NKAIN1: variants seen among roughly 807,000 people sequenced by gnomAD.
NKAIN1 encodes the protein sodium/potassium transporting ATPase interacting 1.
In NKAIN1, 13 loss-of-function variants were observed where a neutral mutation model predicts 31.6. The observed-to-expected ratio is 0.41, with a 90% CI of 0.27 to 0.65. NKAIN1 has a LOEUF of 0.65. NKAIN1 is among the 30% of genes least tolerant of loss of function. NKAIN1 has a pLI of 0.30. For synonymous variants in NKAIN1, 104 were observed against 109.0 expected (o/e 0.95, Z 0.28); for missense variants, 193 against 262.2 (o/e 0.74, Z 1.82).
At chr1:31,238,748 A>C (rs375477477) in intron 1 of NKAIN1, among the ~76,000 whole-genome samples, 2 of 152,114 alleles carry the variant, frequency 1.3e-5, no homozygotes, top group African/African-American at 4.8e-5. Context: ...TGACTGATGG[A>C]ACCCCCATGG....
chr1:31,212,809 G>C (rs1186212745), intron 1 of NKAIN1, among the ~76,000 whole-genome samples: 1 of 151,984 alleles, frequency 6.6e-6, no homozygotes, highest in African/African-American at 2.4e-5. Context: ...GACCATCCTG[G>C]CTACGGTGAA....
intron 2 of NKAIN1, among the ~76,000 whole-genome samples, chr1:31,186,396 T>G (rs796811251): frequency 2.2e-3 from 58 of 25,856 alleles, no homozygotes; most frequent in Non-Finnish European, 3.8e-3. Context: ...TCTTTTGTGT[T>G]TTTTTTTTTT....
At chr1:31,219,416 C>T (rs1645544483) in intron 1 of NKAIN1, among the ~76,000 whole-genome samples, 1 of 152,218 alleles carries the variant, frequency 6.6e-6, no homozygotes, top group Non-Finnish European at 1.5e-5. Context: ...TCTGGAGAAG[C>T]CCCGGCACGC....
Position 31,234,392 on chromosome 1 carries a change from A to G in NKAIN1, c.54+5102T>C, listed in dbSNP as rs370924929. Reference sequence around the variant, plus strand: ...ACTATTGCTAATAACGACATCAATCAGGTTGACCATGTTTCACACCATTAC... The same window carrying G: ...ACTATTGCTAATAACGACATCAATCGGGTTGACCATGTTTCACACCATTAC... On this transcript the variant is annotated intron_variant, in intron 1 of 6. Transcript: ENST00000373736. Among the ~76,000 whole-genome samples the G allele has an allele frequency of 7.2e-5, 11 of 152,186 alleles. No homozygotes were observed. The South Asian group carries it at 2.1e-3, about 29-fold the overall frequency.
intron 1 of NKAIN1, among the ~76,000 whole-genome samples, chr1:31,219,726 C>CTCCTTGGGCTAA (rs990132619): frequency 3.9e-5 from 6 of 152,210 alleles, no homozygotes; most frequent in African/African-American, 1.4e-4. Flanking sequence ...GGTGCCTAGA[C>CTCCTTGGGCTAA]TCCAGGAGTA....
intron 1 of NKAIN1, among the ~76,000 whole-genome samples, chr1:31,189,699 G>A (rs1645271375): frequency 6.6e-6 from 1 of 152,156 alleles, no homozygotes; most frequent in African/African-American, 2.4e-5. Context: ...TTCTGGGGTG[G>A]GCAGGTAAGC....
At chr1:31,187,119 C>T (rs1645250000) in intron 2 of NKAIN1, among the ~76,000 whole-genome samples, 1 of 152,192 alleles carries the variant, frequency 6.6e-6, no homozygotes, top group Non-Finnish European at 1.5e-5. Context: ...TCCTGTTCAC[C>T]TGGCTTCTGG....
rs1174680108 is a variant in NKAIN1, at chr1:31,233,369, G to A, written c.54+6125C>T. 2.6e-5 allele frequency among the ~76,000 whole-genome samples: 4 copies of A among 152,176 alleles called. No individual in the cohort carries two copies. The highest frequency in any genetic ancestry group is 9.7e-5 in the African/African-American group (4 of 41,440). On this transcript the variant is annotated intron_variant, in intron 1 of 6. Coordinates refer to ENST00000373736, the MANE Select transcript of NKAIN1 (RefSeq NM_024522.3). The surrounding 1 kb of genome is among the most constrained non-coding windows in gnomAD (Gnocchi z 4.0). ...GTAACAAGCCCTGTGGCTGAGGAAA[G>A]GTTTGGATTTCTCCACCTGCTTCCA... is the stretch of plus-strand genomic sequence containing the variant.
chr1:31,228,124 G>A (rs191671676), intron 1 of NKAIN1, among the ~76,000 whole-genome samples: 1 of 152,212 alleles, frequency 6.6e-6, no homozygotes, highest in Non-Finnish European at 1.5e-5. Flanking sequence ...GGCTGCAGTA[G>A]ATTACACGCC....
intron 4 of NKAIN1, 93 bp downstream of exon 4, chr1:31,183,715 TGGGATTGCA>T (rs1467866969): frequency 7.9e-7 from 1 of 1,262,572 alleles, no homozygotes; most frequent in Non-Finnish European, 1.1e-6. Context: ...CCCAAAGTGC[TGGGATTGCA>T]GGCGTGAGCC....
Position 31,233,313 on chromosome 1 carries a change from C to A in NKAIN1, c.54+6181G>T, listed in dbSNP as rs1018463958. ...GGGTGGGTAGAATGGGGAGAGGGGG[C>A]ATCTGTGTAAGCAGTTAGATCTGGC... On this transcript the variant is annotated intron_variant, in intron 1 of 6. Transcript: ENST00000373736. The surrounding 1 kb of genome is among the most constrained non-coding windows in gnomAD (Gnocchi z 4.0). Among the ~76,000 whole-genome samples the A allele has an allele frequency of 1.3e-5, 2 of 152,128 alleles. No homozygotes were observed. The highest frequency in any genetic ancestry group is 4.8e-5 in the African/African-American group (2 of 41,412).
intron 1 of NKAIN1, among the ~76,000 whole-genome samples, chr1:31,192,149 C>T (rs1240887007): frequency 2.0e-5 from 3 of 152,172 alleles, no homozygotes; most frequent in Non-Finnish European, 4.4e-5. Context: ...AGGAAGGCCT[C>T]CCTGACTGGC....
chr1:31,225,028 C>CTTTTTTT (rs1645592013), intron 1 of NKAIN1, among the ~76,000 whole-genome samples: 1 of 112,596 alleles, frequency 8.9e-6, no homozygotes, highest in African/African-American at 4.8e-5. Flanking sequence ...TTTTTCTTTT[C>CTTTTTTT]TTTTCTTTTT....
intron 1 of NKAIN1, among the ~76,000 whole-genome samples, chr1:31,218,016 T>TTTTC (rs1553163596): frequency 0.14 from 15,518 of 107,832 alleles, 1,356 homozygotes; most frequent in Middle Eastern, 0.17. Context: ...GCAGCTACCA[T>TTTTC]TTTCTTTCTT....
chr1:31,197,369 CA>C (rs202218920), intron 1 of NKAIN1, among the ~76,000 whole-genome samples: 6,585 of 151,998 alleles, frequency 0.043, 302 homozygotes, highest in African/African-American at 0.11. Flanking sequence ...CCTCAGCCTC[CA>C]AAAGTGCTGG....
chr1:31,231,164 G>A (rs144835581), intron 1 of NKAIN1, among the ~76,000 whole-genome samples: 2,091 of 151,970 alleles, frequency 0.014, 45 homozygotes, highest in African/African-American at 0.048. Context: ...GATTACAGGT[G>A]TAAGCCACTG....
At position 31,181,550 on chromosome 1, in the gene NKAIN1, T is replaced by A; in HGVS notation, c.*153A>T. On this transcript the variant is annotated 3_prime_UTR_variant, in exon 7 of 7. Transcript: ENST00000373736. ...ATCCAAGTCCAAGTCCAAGTCCACG[T>A]CCAAGTCCGCATCTCCAGATGCAGA... 1.5e-6 allele frequency: 1 copy of A among 652,536 alleles called. No individual in the cohort carries two copies. The highest frequency in any genetic ancestry group is 2.3e-6 in the Non-Finnish European group (1 of 435,556). The allele number at this position is 652,536 out of a possible 1,614,324, so 40.4% of individuals were successfully genotyped here.
In NKAIN1 at chr1:31,180,158, G is replaced by A. The variant is rs564019735; in HGVS notation, c.*1545C>T. The A allele has an allele frequency of 6.6e-6, 1 of 152,286 alleles. No homozygotes were observed. Among genetic ancestry groups the A allele is most frequent in the Non-Finnish European group, 1.5e-5 (1 of 68,104 alleles). The allele number at this position is 152,286 out of a possible 1,614,324, so 9.4% of individuals were successfully genotyped here. A position where few individuals can be genotyped will look rare whatever the true frequency, so the allele number is the denominator to read the frequency against. On this transcript the variant is annotated 3_prime_UTR_variant, in exon 7 of 7. Coordinates refer to ENST00000373736, the MANE Select transcript of NKAIN1 (RefSeq NM_024522.3). ...GAGAGTAGGGAATGATAGATTGGAG[G>A]GTAGTGGGAGAGGAGCGGAATGGTC...
At chr1:31,199,627 C>T (rs563694606) in intron 1 of NKAIN1, among the ~76,000 whole-genome samples, 1 of 152,180 alleles carries the variant, frequency 6.6e-6, no homozygotes, top group South Asian at 2.1e-4. Context: ...GGTGCTCCTC[C>T]CTCTCCCCAT....
Sources: allele counts gnomAD v4.1 joint callset (sites outside exome capture counted in the v4.1 genomes callset), GRCh38; gene constraint gnomAD v4.1.1; non-coding constraint Gnocchi (gnomAD v3.1); transcripts MANE v1.5; gene names NCBI Gene and HGNC (gene_info 2026-07-23, HGNC 2026-07-21).